The following ELAPOR2 variants were observed in gnomAD, a reference collection of about 807,000 sequenced individuals.
The protein encoded by ELAPOR2 is endosome-lysosome associated apoptosis and autophagy regulator family member 2.
Under a neutral mutation model 120.7 loss-of-function variants are expected in ELAPOR2, and 89 were observed. The observed-to-expected ratio is 0.74, with a 90% CI of 0.62 to 0.88. ELAPOR2 has a LOEUF of 0.88. ELAPOR2 is among the 40% of genes least tolerant of loss of function. The pLI is 0.00. For missense variants in ELAPOR2, 1,134 were observed against 1,251.6 expected (o/e 0.91, Z 1.42); for synonymous variants, 444 against 444.9 (o/e 1.00, Z 0.03).
chr7:86,953,395 T>C (rs1791346811), intron 2 of ELAPOR2, among the ~76,000 whole-genome samples: 2 of 152,194 alleles, frequency 1.3e-5, no homozygotes, highest in South Asian at 2.1e-4. Context: ...CACAAGACTA[T>C]GTCAACAGAG....
intron 8 of ELAPOR2, among the ~76,000 whole-genome samples, chr7:86,931,090 A>T (rs1330888853): frequency 6.6e-6 from 1 of 151,934 alleles, no homozygotes; most frequent in Non-Finnish European, 1.5e-5. Flanking sequence ...CAGACCTAAG[A>T]CTAGCGATGA....
chr7:86,913,291 A>C, intron 13 of ELAPOR2, 87 bp from the exon 14 acceptor site: 1 of 1,285,800 alleles, frequency 7.8e-7, no homozygotes, highest in East Asian at 2.4e-5. Context: ...TCATCAAAAT[A>C]ACTAAATAGA....
At chr7:87,034,490 G>A (rs912474678) in intron 1 of ELAPOR2, among the ~76,000 whole-genome samples, 6 of 151,096 alleles carry the variant, frequency 4.0e-5, no homozygotes, top group Admixed American at 3.3e-4. Flanking sequence ...AAAAAAATGA[G>A]ATCATTAAAA....
intron 8 of ELAPOR2, among the ~76,000 whole-genome samples, chr7:86,931,393 G>A (rs1461111014): frequency 6.6e-6 from 1 of 151,852 alleles, no homozygotes; most frequent in East Asian, 1.9e-4. Flanking sequence ...TCAAATCTCT[G>A]TAAGACAAGT....
intron 1 of ELAPOR2, among the ~76,000 whole-genome samples, chr7:87,028,048 T>C (rs1216566033): frequency 6.6e-6 from 1 of 152,176 alleles, no homozygotes; most frequent in Non-Finnish European, 1.5e-5. Context: ...AAATCTTGCA[T>C]TTAGAAGACA....
chr7:87,054,490 G>C (rs1795204510), intron 1 of ELAPOR2, among the ~76,000 whole-genome samples: 2 of 152,230 alleles, frequency 1.3e-5, no homozygotes, highest in African/African-American at 2.4e-5. Context: ...TACGTTAACT[G>C]CTTGAAAACA....
intron 8 of ELAPOR2, among the ~76,000 whole-genome samples, chr7:86,936,471 CAT>C (rs1185279434): frequency 6.6e-6 from 1 of 152,060 alleles, no homozygotes; most frequent in African/African-American, 2.4e-5. Context: ...AAGTTCATTA[CAT>C]ATATTATTTC....
chr7:87,033,259 C>G (rs910000959), intron 1 of ELAPOR2, among the ~76,000 whole-genome samples: 1 of 152,184 alleles, frequency 6.6e-6, no homozygotes, highest in Non-Finnish European at 1.5e-5. Flanking sequence ...TCTCTGAAAG[C>G]AGAGGCATGG....
chr7:86,957,347 C>T (rs540074289), intron 2 of ELAPOR2, among the ~76,000 whole-genome samples: 16 of 152,238 alleles, frequency 1.1e-4, no homozygotes, highest in African/African-American at 3.4e-4. Flanking sequence ...GTTTCACCTA[C>T]AAAAATAAAA....
intron 1 of ELAPOR2, among the ~76,000 whole-genome samples, chr7:86,973,631 G>T (rs1049575318): frequency 6.6e-6 from 1 of 152,152 alleles, no homozygotes; most frequent in African/African-American, 2.4e-5. Flanking sequence ...CTGCACAATG[G>T]TATGGTCTAT....
chr7:86,985,838 C>G (rs1344854551), intron 1 of ELAPOR2, among the ~76,000 whole-genome samples: 1 of 151,572 alleles, frequency 6.6e-6, no homozygotes, highest in South Asian at 2.1e-4. Context: ...CCACAACAGG[C>G]CCCAGTGTGT....
chr7:87,034,946 G>A (rs1464953861), intron 1 of ELAPOR2, among the ~76,000 whole-genome samples: 2 of 152,098 alleles, frequency 1.3e-5, no homozygotes, highest in Non-Finnish European at 2.9e-5. Flanking sequence ...GCCGGACATG[G>A]TGGCGTGTGC....
rs554170563 is a variant in ELAPOR2 at position 87,032,675 on chromosome 7, G to A, written c.189+26650C>T. Among the ~76,000 whole-genome samples, 38 of 152,282 alleles carry A rather than the reference G, an allele frequency of 2.5e-4. No individual in the cohort carries two copies. In the South Asian group the frequency reaches 7.7e-3, roughly 31 times the overall value. On this transcript the variant is annotated intron_variant, in intron 1 of 21. Transcript: ENST00000450689. ...TACCTATCATGTGCTTCTTCACATA[G>A]AAGAACCACAGACAGCTCTGTTTCT...
chr7:86,998,480 A>G (rs948844191), intron 1 of ELAPOR2, among the ~76,000 whole-genome samples: 9 of 152,106 alleles, frequency 5.9e-5, no homozygotes, highest in Admixed American at 4.6e-4. Flanking sequence ...GGGCTTCCTA[A>G]CTTCTGCATC....
intron 1 of ELAPOR2, among the ~76,000 whole-genome samples, chr7:86,986,775 G>T (rs1317760359): frequency 6.6e-6 from 1 of 151,380 alleles, no homozygotes. Context: ...TACTGCCCAA[G>T]GTAATTTATA....
rs958166872 is a variant in ELAPOR2, at chr7:87,059,464, G to C, written c.50C>G (p.Pro17Arg). 4.1e-6 allele frequency: 5 copies of C among 1,220,318 alleles called. No individual in the cohort carries two copies. In the African/African-American group the frequency reaches 4.7e-5, roughly 11 times the overall value. 75.6% of individuals were successfully genotyped at this position (1,220,318 alleles called of 1,614,324 possible). A position where few individuals can be genotyped will look rare whatever the true frequency, so the allele number is the denominator to read the frequency against. Reference protein sequence around the residue: ...GPVRGRGWGRPAEAPRRGRSP... With the variant: ...GPVRGRGWGRRAEAPRRGRSP... ...GCGCCCGCGGCGGGGAGCCTCCGCC[G>C]GCCGCCCCCAGCCCCTGCCCCGTAC... Residue 17 changes from proline to arginine, a missense_variant, in exon 1 of 22, where the codon CCG becomes CGG. Transcript: ENST00000450689.
rs570575881 is a variant in ELAPOR2 at position 87,044,671 on chromosome 7, C to G, written c.189+14654G>C. On this transcript the variant is annotated intron_variant, in intron 1 of 21. Coordinates refer to ENST00000450689, the MANE Select transcript of ELAPOR2 (RefSeq NM_001142749.3). ...TAAAAACCCTAGAAGAAAACCTAGG[C>G]ATTACCATTCAGGACATAGGCACGG... Among the ~76,000 whole-genome samples the G allele has an allele frequency of 9.5e-4, 145 of 152,054 alleles. 3 individuals carry two copies. Among genetic ancestry groups the G allele is most frequent in the African/African-American group, 3.4e-3 (142 of 41,352 alleles).
At chr7:87,028,212 C>T (rs1584013979) in intron 1 of ELAPOR2, among the ~76,000 whole-genome samples, 1 of 152,106 alleles carries the variant, frequency 6.6e-6, no homozygotes. Flanking sequence ...TTTCCTGAAC[C>T]CATTCCAATC....
intron 21 of ELAPOR2, among the ~76,000 whole-genome samples, chr7:86,886,619 T>C (rs1159964955): frequency 6.6e-6 from 1 of 152,136 alleles, no homozygotes; most frequent in African/African-American, 2.4e-5. Context: ...TACAGCTTGA[T>C]AGTCCCATTT....
Sources: allele counts gnomAD v4.1 joint callset (sites outside exome capture counted in the v4.1 genomes callset), GRCh38; gene constraint gnomAD v4.1.1; transcripts MANE v1.5; gene names NCBI Gene and HGNC (gene_info 2026-07-23, HGNC 2026-07-21).